The following WDR55 variants were observed in gnomAD, a reference collection of about 807,000 sequenced individuals.
WDR55 encodes the protein WD repeat domain 55.
WDR55 carries 31 observed loss-of-function variants against 34.0 expected under a neutral mutation model. The observed-to-expected ratio is 0.91, with a 90% CI of 0.69 to 1.23. The LOEUF is 1.23. WDR55 is among the 50% of genes most tolerant of loss of function. WDR55 has a pLI of 0.00. For missense variants in WDR55, 440 were observed against 494.6 expected, an observed-to-expected ratio of 0.89 and a Z score of 1.05; for synonymous variants, 164 against 185.9, an observed-to-expected ratio of 0.88 and a Z score of 0.96.
rs568996102 is a variant in WDR55, at chr5:140,669,661, G to A, written c.*7G>A. On this transcript the variant is annotated 3_prime_UTR_variant, in exon 7 of 7. Coordinates refer to ENST00000358337, the MANE Select transcript of WDR55 (RefSeq NM_017706.5). ...TGGGGATGACAGTGACTGAAGGAAT[G>A]AATTGAATCTTGAGACGGGTCCTCA... 6.2e-7 allele frequency: 1 copy of A among 1,608,716 alleles called. No homozygotes were observed. Among genetic ancestry groups the A allele is most frequent in the Non-Finnish European group, 8.5e-7 (1 of 1,176,604 alleles).
Position 140,665,077 on chromosome 5 carries a change from A to C in WDR55, c.165A>C (p.Ala55=). The change falls in exon 1 of 7, where the codon GCA becomes GCC. Residue 55 remains alanine, a synonymous_variant. Coordinates refer to ENST00000358337, the MANE Select transcript of WDR55 (RefSeq NM_017706.5). ...ATCCGGCCCGTGACCTACTGGCTGC[A>C]GGGGACGTGGACGGGGACGTGTTCG... ...AFHPARDLLA[A]GDVDGDVFVF... 1.9e-6 allele frequency: 3 copies of C among 1,607,398 alleles called. No individual in the cohort carries two copies. Among genetic ancestry groups the C allele is most frequent in the East Asian group, 2.2e-5 (1 of 44,734 alleles).
In WDR55 at chr5:140,671,424, G is replaced by A. The variant is rs146252353; in HGVS notation, c.*1770G>A. 1.2e-3 allele frequency: 1,973 copies of A among 1,612,092 alleles called. 17 individuals carry two copies. In the African/African-American group the frequency reaches 0.024, roughly 19 times the overall value. ...ACCTCATGCCCATCCCGGCCATCTA[G>A]GGTCAGCACAACCCAGATGAGGCCG... On this transcript the variant is annotated 3_prime_UTR_variant, in exon 7 of 7. Coordinates refer to ENST00000358337, the MANE Select transcript of WDR55 (RefSeq NM_017706.5).
In WDR55 at chr5:140,668,809, C is replaced by T; in HGVS notation, c.560+18C>T. 8 of 1,613,204 alleles carry T rather than the reference C, an allele frequency of 5.0e-6. No individual in the cohort carries two copies. Among genetic ancestry groups the T allele is most frequent in the Non-Finnish European group, 5.9e-6 (7 of 1,179,362 alleles). On this transcript the variant is annotated intron_variant, in intron 4 of 6. Transcript: ENST00000358337. Reference sequence around the variant, plus strand: ...ACAGCCAGGTACAACTTCAAAGCTGCCTTGCCTCCCCTCCCCTCCCTGTGT... The same window carrying T: ...ACAGCCAGGTACAACTTCAAAGCTGTCTTGCCTCCCCTCCCCTCCCTGTGT...
chr5:140,668,613 GCCC>G lies in WDR55; in HGVS notation c.385_387del (p.Pro129del), dbSNP rs952297794. ...GAAGTTCTACATCTGTGTCTCTAGT[GCCC>G]CCATCAATAGTCTTCTGCTGGTGGA... On this transcript the variant is annotated inframe_deletion and splice_region_variant, in exon 4 of 7. Transcript: ENST00000358337. 1.9e-5 allele frequency: 31 copies of G among 1,613,084 alleles called. No individual in the cohort carries two copies. Among genetic ancestry groups the G allele is most frequent in the Non-Finnish European group, 2.5e-5 (30 of 1,179,478 alleles).
In WDR55 at chr5:140,666,917, G is replaced by C. The variant is rs951303707; in HGVS notation, c.192-1317G>C. On this transcript the variant is annotated intron_variant, in intron 1 of 6. Transcript: ENST00000358337. The stretch of plus-strand genomic sequence containing the variant: ...TGTTTGATTTTGAACAAAAGATACA[G>C]GTTAGAGGCAGTGGAAAAGTTGAAG... 8 of 985,292 alleles carry C rather than the reference G, an allele frequency of 8.1e-6. No individual in the cohort carries two copies. The African/African-American group carries it at 1.4e-4, about 17-fold the overall frequency. 61.0% of individuals were successfully genotyped at this position (985,292 alleles called of 1,614,324 possible).
At chr5:140,665,990 G>GA (rs1281251669) in intron 1 of WDR55, among the ~76,000 whole-genome samples, 1 of 151,436 alleles carries the variant, frequency 6.6e-6, no homozygotes, top group Non-Finnish European at 1.5e-5. Context: ...AATAGAGTGA[G>GA]ACACTCCCTT....
In WDR55 at chr5:140,669,381, C is replaced by T. The variant is rs767255421; in HGVS notation, c.879C>T (p.His293=). 1 of 1,613,898 alleles carries T rather than the reference C, an allele frequency of 6.2e-7. No individual in the cohort carries two copies. The highest frequency in any genetic ancestry group is 2.2e-5 in the East Asian group (1 of 44,872). Residue 293 remains histidine, a synonymous_variant, in exon 7 of 7, where the codon CAC becomes CAT. Coordinates refer to ENST00000358337, the MANE Select transcript of WDR55 (RefSeq NM_017706.5). ...GAGTGGTGGGCAGTGTGGGCCAGCA[C>T]ACTGGGGAGCCTGTGGAGGAGCTGG... ...PNRVVGSVGQ[H]TGEPVEELAL...
chr5:140,669,694 AGAGTCT>A lies in WDR55; in HGVS notation c.*41_*46del, dbSNP rs1758025171. 1 of 1,568,214 alleles carries A rather than the reference AGAGTCT, an allele frequency of 6.4e-7. No homozygotes were observed. Among genetic ancestry groups the A allele is most frequent in the Non-Finnish European group, 8.7e-7 (1 of 1,152,164 alleles). ...TCTTGAGACGGGTCCTCACCAGGCAAGAGTCTTGCTTATTGGGCTGCATCCCCAGAG... is the reference window on the plus strand; with the variant it reads ...TCTTGAGACGGGTCCTCACCAGGCAATGCTTATTGGGCTGCATCCCCAGAG... On this transcript the variant is annotated 3_prime_UTR_variant, in exon 7 of 7. Coordinates refer to ENST00000358337, the MANE Select transcript of WDR55 (RefSeq NM_017706.5).
chr5:140,669,565 A>G lies in WDR55; in HGVS notation c.1063A>G (p.Thr355Ala). ...GGCTCTGAGCAGCAAGACTTGGAGC[A>G]CCGATGACTTCTTCGCAGGACTGAG... Reference protein sequence around the residue: ...LRALSSKTWSTDDFFAGLREE... With the variant: ...LRALSSKTWSADDFFAGLREE... Residue 355 changes from threonine (T) to alanine (A), a missense_variant, in exon 7 of 7, where the codon ACC (threonine) becomes GCC (alanine). Coordinates refer to ENST00000358337, the MANE Select transcript of WDR55 (RefSeq NM_017706.5). The G allele has an allele frequency of 6.2e-7, 1 of 1,614,138 alleles. No homozygotes were observed. Among genetic ancestry groups the G allele is most frequent in the Non-Finnish European group, 8.5e-7 (1 of 1,180,000 alleles).
chr5:140,669,591 G>A lies in WDR55; in HGVS notation c.1089G>A (p.Arg363=), dbSNP rs34589480. The part of the protein sequence containing the change: ...WSTDDFFAGL[R]EEGEDSMAQE... Reference sequence around the variant, plus strand: ...CCGATGACTTCTTCGCAGGACTGAGGGAAGAGGGAGAAGACTCCATGGCTC... The same window carrying A: ...CCGATGACTTCTTCGCAGGACTGAGAGAAGAGGGAGAAGACTCCATGGCTC... The change falls in exon 7 of 7, where the codon AGG becomes AGA. Residue 363 remains arginine (R), a synonymous_variant. Coordinates refer to ENST00000358337, the MANE Select transcript of WDR55 (RefSeq NM_017706.5). The A allele has an allele frequency of 6.1e-4, 977 of 1,614,174 alleles. 4 individuals are homozygous for A. The African/African-American group carries it at 0.012, about 20-fold the overall frequency.
chr5:140,668,259 G>A lies in WDR55; in HGVS notation c.217G>A (p.Glu73Lys), dbSNP rs115837083. ...CTTTTCCTACTCTTGCCAAGAGGGAGAAACCAAGGAGCTCTGGTCATCAGG... is the reference window on the plus strand; with the variant it reads ...CTTTTCCTACTCTTGCCAAGAGGGAAAAACCAAGGAGCTCTGGTCATCAGG... ...FVFSYSCQEG[E>K]TKELWSSGHH... is the part of the protein sequence containing the mutation. The change falls in exon 2 of 7, where the codon GAA (glutamate) becomes AAA (lysine). Residue 73 changes from glutamate to lysine, a missense_variant. By Grantham distance (56) the Glu-to-Lys change is moderately conservative. Coordinates refer to ENST00000358337, the MANE Select transcript of WDR55 (RefSeq NM_017706.5). 3,339 of 1,611,522 alleles carry A rather than the reference G, an allele frequency of 2.1e-3. 7 individuals are homozygous for A. Among genetic ancestry groups the A allele is most frequent in the Non-Finnish European group, 2.3e-3 (2,712 of 1,178,228 alleles).
rs73271574 is a variant in WDR55 at position 140,672,051 on chromosome 5, G to A, written c.*2397G>A. The A allele has an allele frequency of 1.5e-3, 875 of 567,238 alleles. 2 individuals are homozygous for A. Among genetic ancestry groups the A allele is most frequent in the African/African-American group, 0.015 (814 of 53,370 alleles). The allele number at this position is 567,238 out of a possible 1,614,324, so 35.1% of individuals were successfully genotyped here. Reference sequence around the variant, plus strand: ...AAACTTGCTGTAAGTCAGTCAGTGTGCTAAGTACCGTACACCCATTATGTT... The same window carrying A: ...AAACTTGCTGTAAGTCAGTCAGTGTACTAAGTACCGTACACCCATTATGTT... On this transcript the variant is annotated 3_prime_UTR_variant, in exon 7 of 7. Coordinates refer to ENST00000358337, the MANE Select transcript of WDR55 (RefSeq NM_017706.5).
Position 140,670,007 on chromosome 5 carries a change from GCA to G in WDR55, c.*355_*356del. 4.8e-6 allele frequency: 1 copy of G among 208,906 alleles called. No homozygotes were observed. Among genetic ancestry groups the G allele is most frequent in the Non-Finnish European group, 9.7e-6 (1 of 102,790 alleles). The allele number at this position is 208,906 out of a possible 1,614,324, so 12.9% of individuals were successfully genotyped here. ...GCTTCCCAAAGTGCTGGGATTACAG[GCA>G]CGAGCCACCACACCTGGCCAAAAAA... is the stretch of plus-strand genomic sequence containing the variant. On this transcript the variant is annotated 3_prime_UTR_variant, in exon 7 of 7. Transcript: ENST00000358337.
chr5:140,670,056 G>T lies in WDR55; in HGVS notation c.*402G>T, dbSNP rs1050617116. 4 of 184,452 alleles carry T rather than the reference G, an allele frequency of 2.2e-5. No homozygotes were observed. Among genetic ancestry groups the T allele is most frequent in the African/African-American group, 7.3e-5 (3 of 41,358 alleles). The allele number at this position is 184,452 out of a possible 1,614,324, so 11.4% of individuals were successfully genotyped here. On this transcript the variant is annotated 3_prime_UTR_variant, in exon 7 of 7. Coordinates refer to ENST00000358337, the MANE Select transcript of WDR55 (RefSeq NM_017706.5). The stretch of plus-strand genomic sequence containing the variant: ...AAAAATTTATATTTTTTGAGACAAG[G>T]TCTCACTCTGTCACCCAGGCTGGAG...
In WDR55 at chr5:140,670,565, T is replaced by A. The variant is rs1439706405; in HGVS notation, c.*911T>A. ...GGTTTCTCCATGCTGGCCAGGCTGGTCTCGAACTCCTGACCTCAGGTGATC... is the reference window on the plus strand; with the variant it reads ...GGTTTCTCCATGCTGGCCAGGCTGGACTCGAACTCCTGACCTCAGGTGATC... On this transcript the variant is annotated 3_prime_UTR_variant, in exon 7 of 7. Transcript: ENST00000358337. 1 of 150,144 alleles carries A rather than the reference T, an allele frequency of 6.7e-6. No homozygotes were observed. The highest frequency in any genetic ancestry group is 2.0e-4 in the East Asian group (1 of 4,974). The allele number at this position is 150,144 out of a possible 1,614,324, so 9.3% of individuals were successfully genotyped here. A position where few individuals can be genotyped will look rare whatever the true frequency, so the allele number is the denominator to read the frequency against.
intron 1 of WDR55, 120 bp from the exon 2 acceptor site, chr5:140,668,114 A>T: frequency 8.6e-7 from 1 of 1,157,534 alleles, no homozygotes; most frequent in Non-Finnish European, 1.2e-6. Context: ...TTTTGGGCTT[A>T]GAGGTGTAGA....
intron 1 of WDR55, chr5:140,667,170 C>CT: frequency 1.0e-6 from 1 of 982,374 alleles, no homozygotes; most frequent in East Asian, 1.1e-4. Flanking sequence ...GGGAGTTGCC[C>CT]TAGACATCCA....
At chr5:140,668,190 C>G in intron 1 of WDR55, 44 bp from the exon 2 acceptor site, 1 of 1,543,440 alleles carries the variant, frequency 6.5e-7, no homozygotes, top group African/African-American at 1.4e-5. Context: ...CAATGCAACC[C>G]AGGCTGGGTC....
At chr5:140,668,067 C>A (rs1757964399) in intron 1 of WDR55, 167 bp from the exon 2 acceptor site, 5 of 704,992 alleles carry the variant, frequency 7.1e-6, no homozygotes, top group Non-Finnish European at 1.1e-5. Context: ...CCTAACATTT[C>A]AAACTCACTG....
Sources: gnomAD v4.1 joint callset for allele counts (sites outside exome capture counted in the v4.1 genomes callset) on GRCh38, gnomAD v4.1.1 for gene constraint, MANE v1.5 for transcripts, NCBI Gene and HGNC (gene_info 2026-07-23, HGNC 2026-07-21) for gene names.